The following DLD variants were observed in gnomAD, a reference collection of about 807,000 sequenced individuals.
The protein encoded by DLD is dihydrolipoamide dehydrogenase, also known as dihydrolipoyl dehydrogenase, mitochondrial.
In DLD, 36 loss-of-function variants were observed where a neutral mutation model predicts 62.2. The observed-to-expected ratio is 0.58, with a 90% CI of 0.44 to 0.76. The LOEUF is 0.76. Among genes scored for constraint, DLD ranks in the 30% least tolerant of loss-of-function variants. The pLI, the probability that DLD is intolerant of heterozygous loss-of-function variation, is 0.00. For synonymous variants in DLD, 204 were observed against 199.6 expected, an observed-to-expected ratio of 1.02 and a Z score of -0.19; for missense variants, 541 against 608.6, an observed-to-expected ratio of 0.89 and a Z score of 1.17.
At chr7:107,899,794 GT>G (rs1013003667) in intron 2 of DLD, among the ~76,000 whole-genome samples, 6 of 148,512 alleles carry the variant, frequency 4.0e-5, no homozygotes, top group African/African-American at 7.5e-5. Context: ...TGGATGGGTT[GT>G]TTTTTTTTTA....
intron 8 of DLD, among the ~76,000 whole-genome samples, chr7:107,913,540 G>T (rs2032194579): frequency 6.6e-6 from 1 of 150,512 alleles, no homozygotes; most frequent in Non-Finnish European, 1.5e-5. Context: ...ATTGTCCACT[G>T]TTGGTGTATA....
intron 12 of DLD, among the ~76,000 whole-genome samples, 181 bp from the exon 13 acceptor site, chr7:107,918,829 C>A (rs1232317079): frequency 6.6e-6 from 1 of 152,166 alleles, no homozygotes; most frequent in East Asian, 1.9e-4. Flanking sequence ...CCCTTTGGCT[C>A]CAGAGCCCAA....
upstream of DLD, chr7:107,891,166 G>A (rs1035871784): frequency 4.5e-5 from 69 of 1,548,632 alleles, 1 homozygote; most frequent in South Asian, 7.1e-4. Flanking sequence ...GCCTGTGCAT[G>A]CGCAGGGAGG....
chr7:107,903,710 C>T (rs994594761), intron 5 of DLD, 163 bp downstream of exon 5: 20 of 500,642 alleles, frequency 4.0e-5, no homozygotes, highest in Non-Finnish European at 6.2e-5. Context: ...AAAAAGAAGG[C>T]CTAAATCCAG....
intron 11 of DLD, among the ~76,000 whole-genome samples, chr7:107,917,680 G>A (rs182697694): frequency 6.6e-6 from 1 of 152,306 alleles, no homozygotes; most frequent in East Asian, 1.9e-4. Flanking sequence ...TAAAAAACTA[G>A]TAATTCCAGA....
At chr7:107,909,839 C>CTTT (rs71134292) in intron 8 of DLD, among the ~76,000 whole-genome samples, 55 of 73,064 alleles carry the variant, frequency 7.5e-4, no homozygotes, top group Non-Finnish European at 1.0e-3. Context: ...GGAGAATTAA[C>CTTT]TTTTTTTTTT....
chr7:107,900,957 T>A (rs2031861098), intron 2 of DLD, among the ~76,000 whole-genome samples: 1 of 152,164 alleles, frequency 6.6e-6, no homozygotes, highest in Non-Finnish European at 1.5e-5. Flanking sequence ...TGGACTTACT[T>A]GCACATTTGT....
Position 107,913,486 on chromosome 7 carries a change from T to C in DLD, c.685-2020T>C, listed in dbSNP as rs111576527. On this transcript the variant is annotated intron_variant, in intron 8 of 13. Coordinates refer to ENST00000205402, the MANE Select transcript of DLD (RefSeq NM_000108.5). ...TGATTCTTAGGTATTTTATATTCAT[T>C]ATAGCTATTGCAAATGGGATTGCTT... 9.1e-3 allele frequency among the ~76,000 whole-genome samples: 1,387 copies of C among 152,152 alleles called. 18 individuals carry two copies. Among genetic ancestry groups the C allele is most frequent in the African/African-American group, 0.032 (1,314 of 41,546 alleles).
intron 8 of DLD, among the ~76,000 whole-genome samples, chr7:107,908,474 C>G (rs2032062155): frequency 6.6e-6 from 1 of 151,702 alleles, no homozygotes. Context: ...TTGAGACTAG[C>G]CTGGGCAACA....
chr7:107,891,387 G>A, intron 1 of DLD, 98 bp downstream of exon 1: 1 of 1,428,234 alleles, frequency 7.0e-7, no homozygotes, highest in Non-Finnish European at 9.8e-7. Flanking sequence ...GCTGGCGGAG[G>A]CGGGCGCCTG....
chr7:107,892,580 C>T (rs908880764), intron 1 of DLD, among the ~76,000 whole-genome samples: 1 of 151,906 alleles, frequency 6.6e-6, no homozygotes, highest in African/African-American at 2.4e-5. Context: ...GAGTCTCACT[C>T]TGACATCCAG....
At position 107,915,675 on chromosome 7, in the gene DLD, C is replaced by T; in HGVS notation, c.854C>T (p.Ser285Leu). 3.1e-6 allele frequency: 5 copies of T among 1,613,546 alleles called. No individual in the cohort carries two copies. In the South Asian group the frequency reaches 3.3e-5, roughly 11 times the overall value. The change falls in exon 9 of 14, where the codon TCA (serine) becomes TTA (leucine). Residue 285 changes from serine to leucine, a missense_variant. Transcript: ENST00000205402. ...NTKVTGATKK[S>L]DGKIDVSIEA... ...AAGGTTACTGGTGCTACCAAGAAGTCAGATGGAAAAATTGATGTTTCGTAA... is the reference window on the plus strand; with the variant it reads ...AAGGTTACTGGTGCTACCAAGAAGTTAGATGGAAAAATTGATGTTTCGTAA...
chr7:107,891,151 G>A, upstream of DLD: 1 of 1,440,194 alleles, frequency 6.9e-7, no homozygotes. Context: ...GATGACGTAG[G>A]CTGCGCCTGT....
At chr7:107,902,468 T>C (rs572183179) in intron 4 of DLD, 75 bp downstream of exon 4, 302 of 1,222,896 alleles carry the variant, frequency 2.5e-4, no homozygotes, top group Non-Finnish European at 3.5e-4. Context: ...TGAGACTAGA[T>C]TAGACAAATA....
rs8721 is a variant in DLD at position 107,919,277 on chromosome 7, A to T, written c.*18A>T. 0.38 allele frequency: 599,656 copies of T among 1,576,250 alleles called. 118,697 individuals are homozygous for T. Among genetic ancestry groups the T allele is most frequent in the Non-Finnish European group, 0.41 (468,826 of 1,154,262 alleles). ...ACTTTTGAATTAGAAGATTATATAT[A>T]TTTTTTTCTGAAATTTCCTGGGAGC... is the stretch of plus-strand genomic sequence containing the variant. On this transcript the variant is annotated 3_prime_UTR_variant, in exon 14 of 14. Coordinates refer to ENST00000205402, the MANE Select transcript of DLD (RefSeq NM_000108.5).
chr7:107,905,650 CTTTA>C (rs1391960161), intron 7 of DLD, 146 bp downstream of exon 7: 2 of 829,362 alleles, frequency 2.4e-6, no homozygotes, highest in Non-Finnish European at 4.0e-6. Flanking sequence ...AGTTACCTGT[CTTTA>C]TTCTGCAGTG....
chr7:107,920,890 G>A lies in DLD; in HGVS notation c.*1631G>A, dbSNP rs1228479181. ...TCTAAAATATATTTGTTCAGAGTTT[G>A]CAGTTGCTATCAGCAGGAGGGTTGG... On this transcript the variant is annotated 3_prime_UTR_variant, in exon 14 of 14. Coordinates refer to ENST00000205402, the MANE Select transcript of DLD (RefSeq NM_000108.5). The A allele has an allele frequency of 6.6e-6, 1 of 152,324 alleles. No individual in the cohort carries two copies. Among genetic ancestry groups the A allele is most frequent in the Non-Finnish European group, 1.5e-5 (1 of 68,034 alleles). 9.4% of individuals were successfully genotyped at this position (152,324 alleles called of 1,614,324 possible).
chr7:107,917,318 C>G lies in DLD; in HGVS notation c.1092C>G (p.His364Gln). ...GDVVAGPMLAHKAEDEGIICV... is the reference protein window; with the variant it reads ...GDVVAGPMLAQKAEDEGIICV... The stretch of plus-strand genomic sequence containing the variant: ...TAGTTGCTGGTCCAATGCTGGCTCA[C>G]AAAGCAGAGGATGAAGGCATTATCT... Residue 364 changes from histidine to glutamine, a missense_variant, in exon 11 of 14, where the codon CAC becomes CAG. Transcript: ENST00000205402. 1 of 1,614,108 alleles carries G rather than the reference C, an allele frequency of 6.2e-7. No homozygotes were observed. The highest frequency in any genetic ancestry group is 1.6e-4 in the Middle Eastern group (1 of 6,062).
intron 5 of DLD, chr7:107,904,581 G>T: frequency 4.9e-6 from 2 of 409,328 alleles, no homozygotes; most frequent in Non-Finnish European, 9.5e-6. Flanking sequence ...TATTTGTTTT[G>T]TTTCATGAAA....
Sources: gnomAD v4.1 joint callset for allele counts (sites outside exome capture counted in the v4.1 genomes callset) on GRCh38, gnomAD v4.1.1 for gene constraint, MANE v1.5 for transcripts, NCBI Gene and HGNC (gene_info 2026-07-23, HGNC 2026-07-21) for gene names.